Variants in NDC80 observed in about 807,000 individuals in gnomAD.
The protein encoded by NDC80 is NDC80 kinetochore complex component.
In NDC80, 69 loss-of-function variants were observed where a neutral mutation model predicts 89.3. The ratio of observed to expected loss-of-function variants is 0.77; its 90% CI spans 0.64 to 0.94. The LOEUF is 0.94. Ranked by LOEUF, NDC80 falls within the 40% of genes least tolerant of loss-of-function variation. The pLI, the probability that NDC80 is intolerant of heterozygous loss-of-function variation, is 0.00. For missense variants in NDC80, 593 were observed against 739.6 expected (o/e 0.80, Z 2.30); for synonymous variants, 243 against 255.6 (o/e 0.95, Z 0.47).
At chr18:2,577,693 C>T in intron 3 of NDC80, 53 bp from the exon 4 acceptor site, 6 of 1,596,600 alleles carry the variant, frequency 3.8e-6, no homozygotes, top group Non-Finnish European at 5.1e-6. Flanking sequence ...ATAATTTAGA[C>T]TTGATCACAG....
At chr18:2,608,617 CT>C (rs1338771717) in intron 14 of NDC80, 82 bp from the exon 15 acceptor site, 6 of 1,379,128 alleles carry the variant, frequency 4.4e-6, no homozygotes, top group African/African-American at 1.4e-5. Flanking sequence ...TATTTAAGTG[CT>C]TTTTATAATT....
chr18:2,578,901 G>T, intron 5 of NDC80, 26 bp from the exon 6 acceptor site: 2 of 1,286,806 alleles, frequency 1.6e-6, no homozygotes, highest in Non-Finnish European at 2.1e-6. Flanking sequence ...CATTAAATTA[G>T]CTTATGTTTT....
chr18:2,594,616 AT>A, intron 10 of NDC80: 1 of 158,488 alleles, frequency 6.3e-6, no homozygotes, highest in Non-Finnish European at 1.4e-5. Flanking sequence ...AAGTCAGTTC[AT>A]TTTCTCATTT....
chr18:2,579,305 C>T (rs11080960), intron 6 of NDC80: 6 of 294,934 alleles, frequency 2.0e-5, no homozygotes, highest in Admixed American at 2.0e-4. Context: ...TCATGAAATT[C>T]GTTTTTACCC....
chr18:2,611,798 T>C (rs1242330366), intron 16 of NDC80, among the ~76,000 whole-genome samples: 1 of 152,038 alleles, frequency 6.6e-6, no homozygotes, highest in East Asian at 1.9e-4. Flanking sequence ...TTAATAGACT[T>C]CCATTTATTG....
In NDC80 at chr18:2,601,498, A is replaced by G. The variant is rs755211169; in HGVS notation, c.1464+13A>G. 8.3e-7 allele frequency: 1 copy of G among 1,199,240 alleles called. No individual in the cohort carries two copies. The highest frequency in any genetic ancestry group is 1.1e-6 in the Non-Finnish European group (1 of 872,178). The allele number at this position is 1,199,240 out of a possible 1,614,324, so 74.3% of individuals were successfully genotyped here. ...TACTTTAGAACAAGTAAGTAATAAA[A>G]CATAAAAAGTCATAAAAAGTGAAAA... On this transcript the variant is annotated intron_variant, in intron 13 of 16. Transcript: ENST00000261597.
chr18:2,614,627 AAG>A (rs1491280132), intron 16 of NDC80, among the ~76,000 whole-genome samples: 1 of 76,400 alleles, frequency 1.3e-5, no homozygotes, highest in Non-Finnish European at 2.5e-5. Flanking sequence ...GAAAGAAAGA[AAG>A]AAAGAAAGAA....
intron 12 of NDC80, 83 bp downstream of exon 12, chr18:2,599,254 C>T (rs1018857820): frequency 6.2e-6 from 7 of 1,123,150 alleles, no homozygotes; most frequent in Non-Finnish European, 8.6e-6. Context: ...TTGTTCATAA[C>T]CCAGTACTAA....
intron 15 of NDC80, 130 bp downstream of exon 15, chr18:2,608,960 A>G: frequency 1.0e-6 from 1 of 984,446 alleles, no homozygotes; most frequent in Non-Finnish European, 1.4e-6. Flanking sequence ...AGAATGGTAT[A>G]TAGAACTTAA....
At chr18:2,572,877 C>A (rs1387326612) in intron 1 of NDC80, 100 bp from the exon 2 acceptor site, 2 of 819,838 alleles carry the variant, frequency 2.4e-6, no homozygotes, top group South Asian at 2.1e-5. Flanking sequence ...CTTGAAGAAA[C>A]AATGAAACCT....
chr18:2,578,789 C>A (rs2143633501), intron 5 of NDC80, 138 bp from the exon 6 acceptor site: 1 of 430,824 alleles, frequency 2.3e-6, no homozygotes, highest in Non-Finnish European at 4.0e-6. Context: ...AGGATAGAAT[C>A]CTAACATATC....
intron 12 of NDC80, among the ~76,000 whole-genome samples, chr18:2,600,633 T>C (rs1244553289): frequency 6.7e-6 from 1 of 149,332 alleles, no homozygotes; most frequent in Non-Finnish European, 1.5e-5. Context: ...AGAGAGAGAT[T>C]GAAGAGGCCA....
chr18:2,579,363 T>A (rs2072564499), intron 6 of NDC80, among the ~76,000 whole-genome samples: 1 of 152,204 alleles, frequency 6.6e-6, no homozygotes, highest in Admixed American at 6.5e-5. Context: ...GAGAATACAG[T>A]GATATAACCA....
chr18:2,585,718 T>A (rs550118195), intron 7 of NDC80, among the ~76,000 whole-genome samples: 1 of 152,202 alleles, frequency 6.6e-6, no homozygotes, highest in East Asian at 1.9e-4. Flanking sequence ...CACATTATAA[T>A]TTCTTAAAAA....
chr18:2,579,090 T>A lies in NDC80; in HGVS notation c.579+61T>A, dbSNP rs547232813. 4.7e-5 allele frequency: 47 copies of A among 991,322 alleles called. No individual in the cohort carries two copies. In the African/African-American group the frequency reaches 7.4e-4, roughly 16 times the overall value. 61.4% of individuals were successfully genotyped at this position (991,322 alleles called of 1,614,324 possible). On this transcript the variant is annotated intron_variant, in intron 6 of 16. Transcript: ENST00000261597. ...AAAGGGTTTTTTTCCTCAAAAAAAA[T>A]ATTTTCTCTCCCAGTCTTTTGACAG...
chr18:2,611,246 A>C (rs2072742845), intron 16 of NDC80, among the ~76,000 whole-genome samples: 1 of 152,012 alleles, frequency 6.6e-6, no homozygotes, highest in Non-Finnish European at 1.5e-5. Flanking sequence ...ACAGGGTTTC[A>C]TCTTGTTGGC....
Position 2,595,518 on chromosome 18 carries a change from G to A in NDC80, c.1118G>A (p.Arg373Lys), listed in dbSNP as rs769826109. The part of the protein sequence containing the change: ...VADIERINHE[R>K]NELQQTINKL... ...GACATTGAGCGAATAAATCATGAAA[G>A]AAATGAATTGCAGCAGACTATTAAT... The change falls in exon 11 of 17, where the codon AGA becomes AAA. Residue 373 changes from arginine (R) to lysine (K), a missense_variant. Coordinates refer to ENST00000261597, the MANE Select transcript of NDC80 (RefSeq NM_006101.3). 4 of 1,613,836 alleles carry A rather than the reference G, an allele frequency of 2.5e-6. No homozygotes were observed. Among genetic ancestry groups the A allele is most frequent in the South Asian group, 1.1e-5 (1 of 91,068 alleles).
chr18:2,598,371 A>G (rs1268015863), intron 11 of NDC80, among the ~76,000 whole-genome samples: 1 of 152,214 alleles, frequency 6.6e-6, no homozygotes, highest in East Asian at 1.9e-4. Flanking sequence ...TTTTCATGGA[A>G]CTTATATTCA....
intron 14 of NDC80, among the ~76,000 whole-genome samples, chr18:2,608,161 A>G (rs1290008569): frequency 1.3e-5 from 2 of 149,680 alleles, no homozygotes; most frequent in Non-Finnish European, 3.0e-5. Flanking sequence ...TAAAGCTTAT[A>G]TATATTTTAA....
Sources: gnomAD v4.1 joint callset for allele counts (sites outside exome capture counted in the v4.1 genomes callset) on GRCh38, gnomAD v4.1.1 for gene constraint, MANE v1.5 for transcripts, NCBI Gene and HGNC (gene_info 2026-07-23, HGNC 2026-07-21) for gene names.